CACNA1A: variants seen among roughly 807,000 people sequenced by gnomAD.
CACNA1A encodes voltage-dependent P/Q-type calcium channel subunit alpha-1A.
In CACNA1A, 57 loss-of-function variants were observed where a neutral mutation model predicts 262.4. That is an observed-to-expected ratio of 0.22 (90% CI 0.18 to 0.27). The LOEUF (loss-of-function observed/expected upper bound fraction) is 0.27. CACNA1A is among the 10% of genes least tolerant of loss of function. The pLI, the probability that CACNA1A is intolerant of heterozygous loss-of-function variation, is 1.00. For missense variants in CACNA1A, 2,526 were observed against 3,562.8 expected, an observed-to-expected ratio of 0.71 and a Z score of 7.41; for synonymous variants, 1,431 against 1,419.3, an observed-to-expected ratio of 1.01 and a Z score of -0.18.
chr19:13,212,351 G>C lies in CACNA1A; in HGVS notation c.6189+33C>G. 1 of 1,612,754 alleles carries C rather than the reference G, an allele frequency of 6.2e-7. No homozygotes were observed. The highest frequency in any genetic ancestry group is 1.1e-5 in the South Asian group (1 of 90,830). Reference sequence around the variant, plus strand: ...CTTCCACCTGAACCACCCGGGCCCTGGGAGCCATTGGGGAGTTGGGGGACA... The same window carrying C: ...CTTCCACCTGAACCACCCGGGCCCTCGGAGCCATTGGGGAGTTGGGGGACA... On this transcript the variant is annotated intron_variant, in intron 42 of 46. Coordinates refer to ENST00000360228, the MANE Select transcript of CACNA1A (RefSeq NM_001127222.2). This position sits in a 1 kb window ranked among gnomAD's most constrained non-coding sequence, Gnocchi z 5.6.
chr19:13,279,869 C>T (rs916397582), intron 22 of CACNA1A, among the ~76,000 whole-genome samples: 25 of 149,596 alleles, frequency 1.7e-4, no homozygotes, highest in African/African-American at 5.4e-4. Flanking sequence ...AGTGCAGTGA[C>T]GCCATCTTGG....
At chr19:13,321,910 A>G (rs2058262143) in intron 10 of CACNA1A, among the ~76,000 whole-genome samples, 1 of 152,148 alleles carries the variant, frequency 6.6e-6, no homozygotes, top group African/African-American at 2.4e-5. Flanking sequence ...ACAAAAAAAT[A>G]AAGTAATTAG....
At chr19:13,253,938 C>T (rs1487970837) in intron 29 of CACNA1A, among the ~76,000 whole-genome samples, 1 of 152,052 alleles carries the variant, frequency 6.6e-6, no homozygotes, top group Non-Finnish European at 1.5e-5. Flanking sequence ...CGGGATTTCA[C>T]CATGTTGGCC....
chr19:13,412,072 A>C (rs1049829482), intron 3 of CACNA1A, among the ~76,000 whole-genome samples: 1 of 151,850 alleles, frequency 6.6e-6, no homozygotes, highest in Admixed American at 6.6e-5. Context: ...AAATTAAGTC[A>C]ACACAGATAG....
intron 10 of CACNA1A, among the ~76,000 whole-genome samples, chr19:13,318,524 C>T (rs1306781640): frequency 6.6e-6 from 1 of 151,976 alleles, no homozygotes; most frequent in African/African-American, 2.4e-5. Flanking sequence ...TCACAGGCAC[C>T]CTCTGGCTGC....
chr19:13,243,060 C>T (rs1269830939), intron 31 of CACNA1A, among the ~76,000 whole-genome samples: 1 of 152,208 alleles, frequency 6.6e-6, no homozygotes, highest in Non-Finnish European at 1.5e-5. Context: ...GGGAGCTGGA[C>T]CATCCTTCTA....
intron 10 of CACNA1A, among the ~76,000 whole-genome samples, chr19:13,318,890 C>CTTTGTTTTTTTTTTTTTTTTTTTTTT (rs2058186378): frequency 8.7e-6 from 1 of 114,668 alleles, no homozygotes; most frequent in African/African-American, 3.7e-5. Context: ...TAAAATACAT[C>CTTTGTTTTTTTTTTTTTTTTTTTTTT]TTTTTTTTTT....
At chr19:13,412,287 T>C (rs922758703) in intron 3 of CACNA1A, among the ~76,000 whole-genome samples, 1 of 151,868 alleles carries the variant, frequency 6.6e-6, no homozygotes, top group Admixed American at 6.6e-5. Context: ...CTTGAACTCC[T>C]GGGCTCAAGC....
At chr19:13,357,800 C>CT (rs2059031627) in intron 6 of CACNA1A, among the ~76,000 whole-genome samples, 1 of 151,494 alleles carries the variant, frequency 6.6e-6, no homozygotes, top group Non-Finnish European at 1.5e-5. Flanking sequence ...GGCCAGGAGT[C>CT]TGAGAGCAGC....
At chr19:13,217,393 T>G (rs1364991232) in intron 38 of CACNA1A, among the ~76,000 whole-genome samples, 3 of 152,142 alleles carry the variant, frequency 2.0e-5, no homozygotes, top group African/African-American at 7.2e-5. Context: ...GGAAGCTCAG[T>G]GTGCTTAGAA....
intron 24 of CACNA1A, among the ~76,000 whole-genome samples, chr19:13,269,901 A>G (rs879867694): frequency 1.8e-4 from 28 of 152,158 alleles, no homozygotes; most frequent in Non-Finnish European, 3.1e-4. Context: ...CGAGGCCACA[A>G]TCACAGCACT....
At chr19:13,297,890 G>A (rs1417768848) in intron 19 of CACNA1A, among the ~76,000 whole-genome samples, 1 of 151,608 alleles carries the variant, frequency 6.6e-6, no homozygotes. Context: ...GTGATGGCAC[G>A]ATCTCAGCTC....
At chr19:13,400,885 C>A (rs897326862) in intron 3 of CACNA1A, among the ~76,000 whole-genome samples, 12 of 152,108 alleles carry the variant, frequency 7.9e-5, no homozygotes, top group African/African-American at 2.7e-4. Flanking sequence ...AGTAAAGTGG[C>A]GTGATCTTTG....
chr19:13,335,744 A>G, intron 7 of CACNA1A, 62 bp downstream of exon 7: 1 of 1,067,516 alleles, frequency 9.4e-7, no homozygotes, highest in Non-Finnish European at 1.4e-6. Context: ...AATGGCCTCT[A>G]CTTGGAAAGA....
At chr19:13,443,819 A>G (rs2060765429) in intron 3 of CACNA1A, among the ~76,000 whole-genome samples, 1 of 152,180 alleles carries the variant, frequency 6.6e-6, no homozygotes, top group Non-Finnish European at 1.5e-5. Context: ...CCTAGCAGAG[A>G]GGCTGAGATC....
chr19:13,330,927 A>G (rs1444818040), intron 9 of CACNA1A, among the ~76,000 whole-genome samples: 1 of 152,116 alleles, frequency 6.6e-6, no homozygotes, highest in Non-Finnish European at 1.5e-5. Flanking sequence ...TTTCTTATGA[A>G]AACAGTCCAC....
At chr19:13,375,810 C>A in intron 3 of CACNA1A, among the ~76,000 whole-genome samples, 1 of 151,882 alleles carries the variant, frequency 6.6e-6, no homozygotes, top group Non-Finnish European at 1.5e-5. Context: ...AACAAACAAA[C>A]AAAAGGCCAT....
intron 10 of CACNA1A, among the ~76,000 whole-genome samples, chr19:13,329,973 A>G (rs1347431609): frequency 1.3e-5 from 2 of 152,060 alleles, no homozygotes; most frequent in East Asian, 3.8e-4. Flanking sequence ...ACATTCACCA[A>G]CTTGACTGGG....
intron 3 of CACNA1A, among the ~76,000 whole-genome samples, chr19:13,372,514 G>C (rs902736414): frequency 8.5e-5 from 13 of 152,156 alleles, no homozygotes; most frequent in Admixed American, 2.6e-4. Flanking sequence ...GTAGTTCAGT[G>C]TTAAGAGCCC....
Sources: gnomAD v4.1 joint callset for allele counts (sites outside exome capture counted in the v4.1 genomes callset) on GRCh38, gnomAD v4.1.1 for gene constraint, Gnocchi (gnomAD v3.1) non-coding constraint, MANE v1.5 for transcripts, NCBI Gene and HGNC (gene_info 2026-07-23, HGNC 2026-07-21) for gene names.